The following CACNA2D3 variants were observed in gnomAD, a reference collection of about 807,000 sequenced individuals.
CACNA2D3 encodes calcium voltage-gated channel auxiliary subunit alpha2delta 3.
In CACNA2D3, 60 loss-of-function variants were observed where a neutral mutation model predicts 160.6. That is an observed-to-expected ratio of 0.37 (90% confidence interval 0.30 to 0.46). The LOEUF is 0.46. CACNA2D3 is among the 20% of genes least tolerant of loss of function. CACNA2D3 has a pLI of 1.00. For missense variants in CACNA2D3, 1,205 were observed against 1,365.0 expected (o/e 0.88, Z 1.85); for synonymous variants, 558 against 492.9 (o/e 1.13, Z -1.75).
In CACNA2D3 at chr3:54,312,615, G is replaced by T. The variant is rs184579296; in HGVS notation, c.205-7827G>T. On this transcript the variant is annotated intron_variant, in intron 2 of 37. Coordinates refer to ENST00000474759, the MANE Select transcript of CACNA2D3 (RefSeq NM_018398.3). ...TAGTACTTTTCTCTTCGTGGTGTTT[G>T]TGTGAAATGATCTGGCAAAATAGAT... Among the ~76,000 whole-genome samples, 3 of 152,290 alleles carry T rather than the reference G, an allele frequency of 2.0e-5. No homozygotes were observed. The East Asian group carries it at 5.8e-4, about 29-fold the overall frequency.
At chr3:54,242,943 TAAAGCACCTTTAACTATTTG>T (rs1702000350) in intron 2 of CACNA2D3, among the ~76,000 whole-genome samples, 1 of 152,198 alleles carries the variant, frequency 6.6e-6, no homozygotes, top group Non-Finnish European at 1.5e-5. Context: ...TGACTGACAG[TAAAGCACCTTTAACTATTTG>T]TGAAAATATG....
At chr3:54,143,788 C>T (rs894943551) in intron 2 of CACNA2D3, among the ~76,000 whole-genome samples, 2 of 152,216 alleles carry the variant, frequency 1.3e-5, no homozygotes, top group East Asian at 3.9e-4. Flanking sequence ...CATGAGCCAC[C>T]GTGCCTGGCC....
chr3:54,549,243 G>A (rs1559510091), intron 5 of CACNA2D3, among the ~76,000 whole-genome samples: 3 of 152,088 alleles, frequency 2.0e-5, no homozygotes, highest in Admixed American at 2.0e-4. Flanking sequence ...TCGGGAGATC[G>A]AGACCATCCT....
chr3:54,127,690 T>C (rs1699622249), intron 2 of CACNA2D3, among the ~76,000 whole-genome samples: 1 of 152,244 alleles, frequency 6.6e-6, no homozygotes, highest in Non-Finnish European at 1.5e-5. Flanking sequence ...ACTGGACTTT[T>C]CCTTAGCAGG....
intron 3 of CACNA2D3, among the ~76,000 whole-genome samples, chr3:54,361,029 C>T (rs1698733021): frequency 1.3e-5 from 2 of 152,006 alleles, no homozygotes; most frequent in African/African-American, 4.8e-5. Flanking sequence ...TAATATTTGT[C>T]ACTGCATTTT....
chr3:55,052,066 G>C (rs1293664346), intron 35 of CACNA2D3, among the ~76,000 whole-genome samples: 1 of 152,136 alleles, frequency 6.6e-6, no homozygotes, highest in Non-Finnish European at 1.5e-5. Context: ...ACTGTCTTCT[G>C]CGTTGCTCAC....
chr3:54,755,932 T>C (rs747770772), intron 12 of CACNA2D3, among the ~76,000 whole-genome samples: 1 of 152,234 alleles, frequency 6.6e-6, no homozygotes, highest in Non-Finnish European at 1.5e-5. Flanking sequence ...GTCCAGCTGA[T>C]GAAAATTACT....
rs571386916 is a variant in CACNA2D3 at position 54,950,219 on chromosome 3, C to T, written c.2450-18231C>T. Among the ~76,000 whole-genome samples the T allele has an allele frequency of 6.6e-5, 10 of 152,348 alleles. No homozygotes were observed. In the South Asian group the frequency reaches 2.1e-3, roughly 32 times the overall value. ...TTTGTTCTGAGCTGGCAAACTTCAA[C>T]ATGCTCAAGCAATGTTTTGTCAAAT... On this transcript the variant is annotated intron_variant, in intron 27 of 37. Coordinates refer to ENST00000474759, the MANE Select transcript of CACNA2D3 (RefSeq NM_018398.3).
At chr3:54,433,596 A>G (rs1292731550) in intron 4 of CACNA2D3, among the ~76,000 whole-genome samples, 1 of 152,202 alleles carries the variant, frequency 6.6e-6, no homozygotes. Context: ...AAAAACATTT[A>G]GATATCACAT....
intron 2 of CACNA2D3, among the ~76,000 whole-genome samples, chr3:54,220,631 G>T (rs1024447911): frequency 2.6e-5 from 4 of 152,036 alleles, no homozygotes; most frequent in African/African-American, 9.7e-5. Flanking sequence ...TGCTTCCTCT[G>T]CATGAGGCCC....
Position 54,683,921 on chromosome 3 carries a change from C to T in CACNA2D3, c.1167+41680C>T, listed in dbSNP as rs368711001. The stretch of plus-strand genomic sequence containing the variant: ...ACTCCAATCCTTGCCCCTTCTTTCA[C>T]GTGGCCATCTTCCTCTGTGTGTCTG... On this transcript the variant is annotated intron_variant, in intron 11 of 37. Coordinates refer to ENST00000474759, the MANE Select transcript of CACNA2D3 (RefSeq NM_018398.3). Among the ~76,000 whole-genome samples, 33 of 150,778 alleles carry T rather than the reference C, an allele frequency of 2.2e-4. 1 individual carries two copies. Among genetic ancestry groups the T allele is most frequent in the Admixed American group, 9.9e-4 (15 of 15,158 alleles).
intron 9 of CACNA2D3, among the ~76,000 whole-genome samples, chr3:54,627,301 A>T (rs559757719): frequency 7.9e-5 from 12 of 152,168 alleles, no homozygotes; most frequent in African/African-American, 2.9e-4. Context: ...CTAGTCTTAG[A>T]GGCTGGTGCT....
At chr3:54,930,745 G>A (rs1363819882) in intron 27 of CACNA2D3, among the ~76,000 whole-genome samples, 1 of 152,236 alleles carries the variant, frequency 6.6e-6, no homozygotes, top group Non-Finnish European at 1.5e-5. Flanking sequence ...GCCGGAGGCA[G>A]GGAGGATCAA....
At chr3:54,570,975 C>T (rs932016138) in intron 8 of CACNA2D3, among the ~76,000 whole-genome samples, 2 of 152,134 alleles carry the variant, frequency 1.3e-5, no homozygotes, top group African/African-American at 4.8e-5. Flanking sequence ...TAGTTGGGCA[C>T]CTGTTCAGCT....
intron 29 of CACNA2D3, among the ~76,000 whole-genome samples, chr3:54,983,233 C>G (rs1381199777): frequency 1.3e-5 from 2 of 152,196 alleles, no homozygotes; most frequent in African/African-American, 4.8e-5. Context: ...AGTGTAGTCA[C>G]TAACCAGAGG....
intron 35 of CACNA2D3, among the ~76,000 whole-genome samples, chr3:55,032,189 G>T (rs1703701789): frequency 6.6e-6 from 1 of 152,140 alleles, no homozygotes; most frequent in Non-Finnish European, 1.5e-5. Context: ...GCCACTATGT[G>T]CTGGAGTTGA....
chr3:55,043,097 G>A (rs1409312482), intron 35 of CACNA2D3, among the ~76,000 whole-genome samples: 1 of 152,146 alleles, frequency 6.6e-6, no homozygotes, highest in Non-Finnish European at 1.5e-5. Flanking sequence ...TGAACATAAG[G>A]TTGTCATTTC....
chr3:54,838,066 C>T (rs1370502803), intron 15 of CACNA2D3, among the ~76,000 whole-genome samples: 1 of 152,078 alleles, frequency 6.6e-6, no homozygotes, highest in African/African-American at 2.4e-5. Context: ...GCTCCAGAGG[C>T]CTATTCCTTC....
At chr3:54,945,338 T>G (rs1701585768) in intron 27 of CACNA2D3, among the ~76,000 whole-genome samples, 1 of 152,212 alleles carries the variant, frequency 6.6e-6, no homozygotes, top group Admixed American at 6.5e-5. Flanking sequence ...TCTCCGAGCC[T>G]TACTCTGTAG....
Sources: gnomAD v4.1 joint callset for allele counts (sites outside exome capture counted in the v4.1 genomes callset) on GRCh38, gnomAD v4.1.1 for gene constraint, MANE v1.5 for transcripts, NCBI Gene and HGNC (gene_info 2026-07-23, HGNC 2026-07-21) for gene names.